The following TNKS2 variants were observed in gnomAD, a reference collection of about 807,000 sequenced individuals.
TNKS2 encodes tankyrase 2, also known as poly [ADP-ribose] polymerase tankyrase-2.
In TNKS2, 72 loss-of-function variants were observed where a neutral mutation model predicts 137.6. The ratio of observed to expected loss-of-function variants is 0.52; its 90% confidence interval spans 0.43 to 0.64. The LOEUF is 0.64. Among genes scored for constraint, TNKS2 ranks in the 30% least tolerant of loss-of-function variants. The pLI, the probability that TNKS2 is intolerant of heterozygous loss-of-function variation, is 0.00. For missense variants in TNKS2, 1,049 were observed against 1,410.2 expected (o/e 0.74, Z 4.10); for synonymous variants, 516 against 512.1 (o/e 1.01, Z -0.10).
intron 24 of TNKS2, 97 bp from the exon 25 acceptor site, chr10:91,859,365 C>G (rs1842794554): frequency 9.7e-7 from 1 of 1,030,222 alleles, no homozygotes; most frequent in Admixed American, 2.9e-5. Flanking sequence ...TATGGTTGGG[C>G]TATATATTTA....
In TNKS2 at chr10:91,817,207, A is replaced by G. The variant is rs780724685; in HGVS notation, c.498A>G (p.Pro166=). 31 of 1,613,408 alleles carry G rather than the reference A, an allele frequency of 1.9e-5. No individual in the cohort carries two copies. Among genetic ancestry groups the G allele is most frequent in the Non-Finnish European group, 2.5e-5 (30 of 1,179,754 alleles). Residue 166 remains proline (P), a synonymous_variant, in exon 3 of 27, where the codon CCA becomes CCG. Transcript: ENST00000371627. ...GGACAGCATTGGATTTAGCAGATCC[A>G]TCTGCCAAAGCAGTGCTTACTGGTA... ...DGRTALDLAD[P]SAKAVLTGEY...
Position 91,831,054 on chromosome 10 carries a change from A to G in TNKS2, c.1196+40A>G, listed in dbSNP as rs1040684026. ...AATGATTAAATATCATTGAGATTTT[A>G]CTCTTTTGGAAAATATATTCACTGT... On this transcript the variant is annotated intron_variant, in intron 10 of 26. Coordinates refer to ENST00000371627, the MANE Select transcript of TNKS2 (RefSeq NM_025235.4). 3.7e-6 allele frequency: 6 copies of G among 1,612,254 alleles called. No homozygotes were observed. The African/African-American group carries it at 4.0e-5, about 11-fold the overall frequency.
chr10:91,854,537 A>C (rs989209872), intron 21 of TNKS2, among the ~76,000 whole-genome samples: 1 of 152,190 alleles, frequency 6.6e-6, no homozygotes, highest in East Asian at 1.9e-4. Context: ...AAGTGGGTGA[A>C]GGGTACATAG....
At chr10:91,859,899 A>G (rs1178065018) in intron 25 of TNKS2, among the ~76,000 whole-genome samples, 1 of 152,202 alleles carries the variant, frequency 6.6e-6, no homozygotes, top group Non-Finnish European at 1.5e-5. Flanking sequence ...CTTAAAGCAT[A>G]CTGAGTAGAA....
intron 1 of TNKS2, among the ~76,000 whole-genome samples, chr10:91,811,027 A>G (rs1844485881): frequency 7.4e-6 from 1 of 135,148 alleles, no homozygotes; most frequent in Non-Finnish European, 1.5e-5. Context: ...TGCCGGGTTC[A>G]AGCAATTCTG....
intron 1 of TNKS2, 134 bp downstream of exon 1, chr10:91,799,023 C>G: frequency 1.6e-6 from 2 of 1,225,692 alleles, no homozygotes; most frequent in Non-Finnish European, 2.0e-6. Flanking sequence ...TCGCTCTCTT[C>G]CAGTGGGGAC....
In TNKS2 at chr10:91,798,765, C is replaced by T. The variant is rs1844053394; in HGVS notation, c.75C>T (p.Ala25=). ...SAAAEAVEPA[A]RELFEACRNG... is the part of the protein sequence containing the mutation. ...CGGCCGAGGCCGTGGAGCCGGCCGCCCGAGAGCTGTTCGAGGCGTGCCGCA... is the reference window on the plus strand; with the variant it reads ...CGGCCGAGGCCGTGGAGCCGGCCGCTCGAGAGCTGTTCGAGGCGTGCCGCA... The change falls in exon 1 of 27, where the codon GCC becomes GCT. Residue 25 remains alanine (A), a synonymous_variant. Coordinates refer to ENST00000371627, the MANE Select transcript of TNKS2 (RefSeq NM_025235.4). 7.9e-7 allele frequency: 1 copy of T among 1,266,526 alleles called. No individual in the cohort carries two copies. The highest frequency in any genetic ancestry group is 1.5e-5 in the African/African-American group (1 of 64,672). The allele number at this position is 1,266,526 out of a possible 1,614,324, so 78.5% of individuals were successfully genotyped here.
rs1241496277 is a variant in TNKS2, at chr10:91,852,811, G to T, written c.2815+1475G>T. Among the ~76,000 whole-genome samples, 5 of 152,192 alleles carry T rather than the reference G, an allele frequency of 3.3e-5. No homozygotes were observed. In the South Asian group the frequency reaches 8.3e-4, roughly 25 times the overall value. On this transcript the variant is annotated intron_variant, in intron 21 of 26. Coordinates refer to ENST00000371627, the MANE Select transcript of TNKS2 (RefSeq NM_025235.4). Reference sequence around the variant, plus strand: ...ACCTCTAAAAATGTAGATGATTCAAGCTAAGGAATACTTTAAACTGGTATT... The same window carrying T: ...ACCTCTAAAAATGTAGATGATTCAATCTAAGGAATACTTTAAACTGGTATT...
chr10:91,798,739 G>C lies in TNKS2; in HGVS notation c.49G>C (p.Ala17Pro), dbSNP rs2133576564. The C allele has an allele frequency of 8.0e-7, 1 of 1,245,858 alleles. No individual in the cohort carries two copies. Among genetic ancestry groups the C allele is most frequent in the African/African-American group, 1.6e-5 (1 of 64,450 alleles). 77.2% of individuals were successfully genotyped at this position (1,245,858 alleles called of 1,614,324 possible). A position where few individuals can be genotyped will look rare whatever the true frequency, so the allele number is the denominator to read the frequency against. Residue 17 changes from alanine (A) to proline (P), a missense_variant, in exon 1 of 27, where the codon GCG (alanine) becomes CCG (proline). Around this residue, in one of 6 missense-constraint regions of TNKS2, gnomAD observed 374 missense variants for 460.8 expected, o/e 0.81. Coordinates refer to ENST00000371627, the MANE Select transcript of TNKS2 (RefSeq NM_025235.4). ...AGGGAACASA[A>P]AEAVEPAARE... The stretch of plus-strand genomic sequence containing the variant: ...CGGGGGAGCGGCCTGCGCGAGCGCC[G>C]CGGCCGAGGCCGTGGAGCCGGCCGC...
intron 18 of TNKS2, among the ~76,000 whole-genome samples, chr10:91,846,853 G>C (rs567130175): frequency 9.2e-5 from 14 of 152,300 alleles, no homozygotes; most frequent in Admixed American, 3.3e-4. Context: ...CCACCCATAT[G>C]TTAGTTGACC....
intron 13 of TNKS2, among the ~76,000 whole-genome samples, chr10:91,838,796 G>C (rs1842115921): frequency 6.6e-6 from 1 of 152,204 alleles, no homozygotes; most frequent in Non-Finnish European, 1.5e-5. Context: ...ATTGAGCTTA[G>C]GTTATCCCTG....
At position 91,840,596 on chromosome 10, in the gene TNKS2, C is replaced by T. The variant is rs1281968503; in HGVS notation, c.1563C>T (p.Asp521=). ...LCTVQSVNCR[D]IEGRQSTPLH... ...CTGTTCAGAGTGTCAACTGCAGAGA[C>T]ATTGAAGGGCGTCAGTCTACACCAC... is the stretch of plus-strand genomic sequence containing the variant. Residue 521 remains aspartate, a synonymous_variant, in exon 14 of 27, where the codon GAC becomes GAT. Transcript: ENST00000371627. The T allele has an allele frequency of 6.2e-7, 1 of 1,613,952 alleles. No homozygotes were observed. Among genetic ancestry groups the T allele is most frequent in the East Asian group, 2.2e-5 (1 of 44,860 alleles).
At position 91,802,619 on chromosome 10, in the gene TNKS2, A is replaced by G. The variant is rs149715608; in HGVS notation, c.199+3730A>G. 3.8e-4 allele frequency among the ~76,000 whole-genome samples: 58 copies of G among 152,374 alleles called. No homozygotes were observed. The East Asian group carries it at 8.7e-3, about 23-fold the overall frequency. On this transcript the variant is annotated intron_variant, in intron 1 of 26. Coordinates refer to ENST00000371627, the MANE Select transcript of TNKS2 (RefSeq NM_025235.4). ...CTCCAATTGAAGGCTTTAGCTGCTC[A>G]GCTACCAAAGATATACTAGCTTTTG...
rs779513594 is a variant in TNKS2 at position 91,828,303 on chromosome 10, C to T, written c.1001C>T (p.Ser334Leu). ...CATCTAGATGAATTTAAAGGCCACT[C>T]GTTGCTGCAAGCTGCACGAGAAGCT... ...ERLAYEFKGH[S>L]LLQAAREADV... Residue 334 changes from serine to leucine, a missense_variant, in exon 9 of 27, where the codon TCG becomes TTG. Ser to Leu is a moderately radical substitution (Grantham distance 145, BLOSUM62 -2). This residue lies in a region of TNKS2 where 374 missense variants were observed against 460.8 expected (regional missense o/e 0.81). Coordinates refer to ENST00000371627, the MANE Select transcript of TNKS2 (RefSeq NM_025235.4). The T allele has an allele frequency of 2.5e-6, 4 of 1,586,716 alleles. No individual in the cohort carries two copies. Among genetic ancestry groups the T allele is most frequent in the East Asian group, 2.3e-5 (1 of 43,488 alleles).
chr10:91,836,878 A>G (rs1842038030), intron 12 of TNKS2, 41 bp from the exon 13 acceptor site: 9 of 1,590,650 alleles, frequency 5.7e-6, no homozygotes, highest in African/African-American at 1.4e-5. Context: ...CCATCTTCCA[A>G]ATAGAGGTTA....
At chr10:91,843,723 C>CAT (rs1842283206) in intron 16 of TNKS2, among the ~76,000 whole-genome samples, 1 of 152,040 alleles carries the variant, frequency 6.6e-6, no homozygotes. Context: ...CGGACTCATA[C>CAT]AAGTTTGTCT....
At chr10:91,808,795 A>T (rs1430160324) in intron 1 of TNKS2, among the ~76,000 whole-genome samples, 3 of 152,194 alleles carry the variant, frequency 2.0e-5, no homozygotes, top group Non-Finnish European at 4.4e-5. Context: ...ATCTAAAAAG[A>T]GGTTAGAGAA....
intron 23 of TNKS2, among the ~76,000 whole-genome samples, chr10:91,856,343 A>G (rs942241251): frequency 1.2e-4 from 19 of 152,200 alleles, no homozygotes; most frequent in Non-Finnish European, 8.8e-5. Flanking sequence ...TAAAAATAAG[A>G]CAGAATTAAT....
At chr10:91,803,616 A>G (rs1844242102) in intron 1 of TNKS2, among the ~76,000 whole-genome samples, 3 of 152,228 alleles carry the variant, frequency 2.0e-5, no homozygotes, top group Non-Finnish European at 4.4e-5. Context: ...GCTGGGCAAC[A>G]GAGGGAAACC....
Sources: gnomAD v4.1 joint callset for allele counts (sites outside exome capture counted in the v4.1 genomes callset) on GRCh38, gnomAD v4.1.1 for gene constraint, gnomAD v4.1.1 regional missense constraint, MANE v1.5 for transcripts, NCBI Gene and HGNC (gene_info 2026-07-23, HGNC 2026-07-21) for gene names.